Variants in RFFL observed in about 807,000 individuals in gnomAD.
The protein encoded by RFFL is ring finger and FYVE like domain containing E3 ubiquitin protein ligase.
RFFL carries 16 observed loss-of-function variants against 40.4 expected under a neutral mutation model. The ratio of observed to expected loss-of-function variants is 0.40; its 90% CI spans 0.27 to 0.60. The LOEUF (loss-of-function observed/expected upper bound fraction) is 0.60. Ranked by LOEUF, RFFL falls within the 20% of genes least tolerant of loss-of-function variation. The pLI is 0.47. For missense variants in RFFL, 367 were observed against 451.7 expected (o/e 0.81, Z 1.70); for synonymous variants, 154 against 167.9 (o/e 0.92, Z 0.64).
chr17:35,011,721 A>C lies in RFFL; in HGVS notation c.*247T>G. The C allele has an allele frequency of 2.0e-6, 1 of 488,498 alleles. No homozygotes were observed. The highest frequency in any genetic ancestry group is 3.7e-6 in the Non-Finnish European group (1 of 269,336). 30.3% of individuals were successfully genotyped at this position (488,498 alleles called of 1,614,324 possible). ...TTCATCAGTTACCATCATCACTCCA[A>C]GATCACTGAACCAAGAACATACCCA... On this transcript the variant is annotated 3_prime_UTR_variant, in exon 7 of 7. Coordinates refer to ENST00000394597, the MANE Select transcript of RFFL (RefSeq NM_001017368.2).
chr17:35,040,555 A>G (rs1255411400), intron 1 of RFFL, among the ~76,000 whole-genome samples: 1 of 151,616 alleles, frequency 6.6e-6, no homozygotes, highest in Non-Finnish European at 1.5e-5. Flanking sequence ...GTGAGCTGAG[A>G]TCATGCCACT....
At position 35,021,694 on chromosome 17, in the gene RFFL, G is replaced by T; in HGVS notation, c.268C>A (p.Arg90=). 1 of 1,614,230 alleles carries T rather than the reference G, an allele frequency of 6.2e-7. No individual in the cohort carries two copies. ...NGPRLCLLCQ[R]FRATAFQREE... is the part of the protein sequence containing the mutation. ...CGCTGAAAGGCTGTAGCTCGAAACC[G>T]TTGGCAGAGAAGGCAGAGGCGGGGC... The change falls in exon 3 of 7, where the codon CGG becomes AGG. Residue 90 remains arginine (R), a synonymous_variant. Transcript: ENST00000394597.
At chr17:35,043,185 G>A (rs187885935) in intron 1 of RFFL, among the ~76,000 whole-genome samples, 2 of 152,158 alleles carry the variant, frequency 1.3e-5, no homozygotes, top group East Asian at 3.8e-4. Context: ...TCCCAAGTAT[G>A]TTTTACTTTG....
chr17:35,073,680 T>C (rs2091362078), intron 1 of RFFL, among the ~76,000 whole-genome samples: 1 of 152,150 alleles, frequency 6.6e-6, no homozygotes, highest in African/African-American at 2.4e-5. Flanking sequence ...ACTTACAAGA[T>C]GAGGCCCTAT....
chr17:35,011,971 G>A lies in RFFL; in HGVS notation c.1089C>T (p.Ser363=), dbSNP rs765641447. 2.5e-6 allele frequency: 4 copies of A among 1,613,924 alleles called. No homozygotes were observed. The Admixed American group carries it at 5.0e-5, about 20-fold the overall frequency. Residue 363 remains serine (S), a synonymous_variant, in exon 7 of 7, where the codon TCC becomes TCT. Coordinates refer to ENST00000394597, the MANE Select transcript of RFFL (RefSeq NM_001017368.2). ...CTGAAGAAACCGATGCAAGCTCTCA[G>A]GACCGGAAGACATGCACAGCTCGGA... is the stretch of plus-strand genomic sequence containing the variant. ...YVIRAVHVFR[S]
At chr17:35,040,372 CG>C (rs199990932) in intron 1 of RFFL, among the ~76,000 whole-genome samples, 29,683 of 151,814 alleles carry the variant, frequency 0.2, 3,409 homozygotes, top group Admixed American at 0.27. Context: ...GAGGCCAAGG[CG>C]GGCAGATCAC....
chr17:35,058,219 T>TC (rs199523995), intron 1 of RFFL, among the ~76,000 whole-genome samples: 41 of 150,550 alleles, frequency 2.7e-4, no homozygotes, highest in East Asian at 1.2e-3. Flanking sequence ...TATCTATCTA[T>TC]CCCCCCCCAC....
chr17:35,016,287 G>T, intron 5 of RFFL, 83 bp downstream of exon 5: 1 of 1,210,116 alleles, frequency 8.3e-7, no homozygotes, highest in Non-Finnish European at 1.2e-6. Flanking sequence ...TGTGGAAATT[G>T]AGTCAGGTCA....
chr17:35,062,110 A>G (rs2091294600), intron 1 of RFFL, among the ~76,000 whole-genome samples: 2 of 152,094 alleles, frequency 1.3e-5, no homozygotes, highest in Non-Finnish European at 2.9e-5. Context: ...GTGAGCATAA[A>G]AAGAATGAAC....
chr17:35,057,072 T>G (rs1042522756), intron 1 of RFFL, among the ~76,000 whole-genome samples: 15 of 152,064 alleles, frequency 9.9e-5, no homozygotes, highest in African/African-American at 3.6e-4. Flanking sequence ...TAAGCCACCA[T>G]GCCTGGCTAA....
rs560185638 is a variant in RFFL at position 35,049,998 on chromosome 17, C to T, written c.-9+13578G>A. Among the ~76,000 whole-genome samples, 7 of 151,550 alleles carry T rather than the reference C, an allele frequency of 4.6e-5. 1 individual carries two copies. In the South Asian group the frequency reaches 1.5e-3, roughly 32 times the overall value. ...TCAGGAGGCTGAGGCAGGAGAATTG[C>T]TTGAGCCATGGAGGCAGAGGTTGCA... On this transcript the variant is annotated intron_variant, in intron 1 of 6. Coordinates refer to ENST00000394597, the MANE Select transcript of RFFL (RefSeq NM_001017368.2).
intron 1 of RFFL, chr17:35,069,628 T>G (rs182801113): frequency 4.4e-5 from 9 of 206,530 alleles, no homozygotes; most frequent in Admixed American, 2.8e-4. Flanking sequence ...TGAAGATTAT[T>G]GTGCTCACAG....
chr17:35,025,891 T>A (rs2091037818), intron 2 of RFFL, among the ~76,000 whole-genome samples: 1 of 152,260 alleles, frequency 6.6e-6, no homozygotes. Context: ...GGTCTTCATG[T>A]ACCTGAGGCA....
chr17:35,083,330 T>C (rs574344493), intron 1 of RFFL, among the ~76,000 whole-genome samples: 1 of 152,294 alleles, frequency 6.6e-6, no homozygotes, highest in Admixed American at 6.5e-5. Flanking sequence ...TGTAAAGCAA[T>C]TTACATAAAA....
intron 1 of RFFL, among the ~76,000 whole-genome samples, chr17:35,083,117 T>C (rs2091410528): frequency 6.6e-6 from 1 of 152,236 alleles, no homozygotes; most frequent in South Asian, 2.1e-4. Context: ...ACTGACTTTA[T>C]TCTAAAATTT....
intron 3 of RFFL, among the ~76,000 whole-genome samples, chr17:35,020,650 T>C (rs1473067174): frequency 6.6e-6 from 1 of 151,968 alleles, no homozygotes; most frequent in Non-Finnish European, 1.5e-5. Context: ...TATACAACAA[T>C]TATGTCCACT....
chr17:35,062,987 C>A (rs570770165), intron 1 of RFFL, among the ~76,000 whole-genome samples: 1 of 152,340 alleles, frequency 6.6e-6, no homozygotes, highest in East Asian at 1.9e-4. Context: ...GCCTTCACTT[C>A]TTTTCCTTTA....
upstream of RFFL, among the ~76,000 whole-genome samples, chr17:35,067,695 T>G (rs908457237): frequency 6.6e-6 from 1 of 152,148 alleles, no homozygotes; most frequent in African/African-American, 2.4e-5. Context: ...CCTCAAGTGA[T>G]CCGCCCGTCT....
chr17:35,067,157 G>A (rs1023010289), upstream of RFFL, among the ~76,000 whole-genome samples: 22 of 145,870 alleles, frequency 1.5e-4, no homozygotes, highest in South Asian at 4.3e-4. Context: ...CACTCTCATC[G>A]CACAGGCTGG....
Sources: allele counts gnomAD v4.1 joint callset (sites outside exome capture counted in the v4.1 genomes callset), GRCh38; gene constraint gnomAD v4.1.1; transcripts MANE v1.5; gene names NCBI Gene and HGNC (gene_info 2026-07-23, HGNC 2026-07-21).